Variants in CNGB3 observed in about 807,000 individuals in gnomAD.
CNGB3 encodes cyclic nucleotide-gated channel beta-3.
A neutral mutation model predicts 92.8 loss-of-function variants in CNGB3; 86 were observed. The ratio of observed to expected loss-of-function variants is 0.93; its 90% CI spans 0.78 to 1.11. The LOEUF (loss-of-function observed/expected upper bound fraction) is 1.11. Ranked by LOEUF, CNGB3 falls within the 50% of genes least tolerant of loss-of-function variation. CNGB3 has a pLI of 0.00. For synonymous variants in CNGB3, 333 were observed against 332.7 expected (o/e 1.00, Z -0.01); for missense variants, 1,026 against 956.8 (o/e 1.07, Z -0.95).
intron 13 of CNGB3, among the ~76,000 whole-genome samples, chr8:86,611,915 G>A (rs1822530085): frequency 6.6e-6 from 1 of 152,002 alleles, no homozygotes; most frequent in African/African-American, 2.4e-5. Flanking sequence ...ACTACATATT[G>A]CTACGTAACC....
In CNGB3 at chr8:86,628,584, G is replaced by A. The variant is rs113703129; in HGVS notation, c.1480+335C>T. ...GTCTTCGCCCAAATTTCTCAGTTAG[G>A]AGCCTCCATTTTCTACCCTTCAAAG... is the stretch of plus-strand genomic sequence containing the variant. On this transcript the variant is annotated intron_variant, in intron 12 of 17. Transcript: ENST00000320005. 7.6e-4 allele frequency among the ~76,000 whole-genome samples: 115 copies of A among 152,182 alleles called. 1 individual carries two copies. The South Asian group carries it at 0.012, about 15-fold the overall frequency.
intron 14 of CNGB3, among the ~76,000 whole-genome samples, chr8:86,605,728 T>C (rs1400988697): frequency 6.6e-6 from 1 of 152,218 alleles, no homozygotes; most frequent in Non-Finnish European, 1.5e-5. Context: ...GCTTGACATA[T>C]AGGAAACACT....
At chr8:86,593,681 C>A (rs7000591) in intron 15 of CNGB3, 472,890 of 656,328 alleles carry the variant, frequency 0.72, 175,807 homozygotes, top group Non-Finnish European at 0.78. Context: ...TGCCCACAGC[C>A]AGACCTCACT....
Position 86,633,455 on chromosome 8 carries a change from A to G in CNGB3, c.1179-562T>C, listed in dbSNP as rs111689854. Reference sequence around the variant, plus strand: ...GTATCTTTTTTCATTCAGCCTCTCAATGTGACTAGCTTGGGCTTCCTCATA... The same window carrying G: ...GTATCTTTTTTCATTCAGCCTCTCAGTGTGACTAGCTTGGGCTTCCTCATA... On this transcript the variant is annotated intron_variant, in intron 10 of 17. Transcript: ENST00000320005. Among the ~76,000 whole-genome samples, 120 of 152,308 alleles carry G rather than the reference A, an allele frequency of 7.9e-4. 1 individual carries two copies. The South Asian group carries it at 0.012, about 15-fold the overall frequency.
intron 2 of CNGB3, among the ~76,000 whole-genome samples, chr8:86,738,077 A>T (rs1202429815): frequency 6.6e-6 from 1 of 152,246 alleles, no homozygotes; most frequent in Non-Finnish European, 1.5e-5. Context: ...AGTCATTAAC[A>T]ATTATCATAC....
At chr8:86,696,180 A>G (rs1824446580) in intron 3 of CNGB3, among the ~76,000 whole-genome samples, 1 of 152,206 alleles carries the variant, frequency 6.6e-6, no homozygotes, top group African/African-American at 2.4e-5. Context: ...CTGATTAGCC[A>G]GGGCGTTGCA....
intron 6 of CNGB3, among the ~76,000 whole-genome samples, chr8:86,665,866 T>C (rs1237097549): frequency 6.6e-6 from 1 of 152,070 alleles, no homozygotes; most frequent in East Asian, 1.9e-4. Context: ...GTAACAAACC[T>C]GTATGTGTAT....
chr8:86,659,846 C>T, intron 6 of CNGB3: 2 of 418,784 alleles, frequency 4.8e-6, no homozygotes, highest in Non-Finnish European at 4.7e-6. Context: ...TTTGTTGTTT[C>T]TCCAGATCCT....
At chr8:86,711,207 T>TTCTCTTTTCTACCTCCTGTC (rs1366436471) in intron 3 of CNGB3, among the ~76,000 whole-genome samples, 59 of 152,252 alleles carry the variant, frequency 3.9e-4, no homozygotes, top group African/African-American at 1.4e-3. Context: ...TCACCTCTGT[T>TTCTCTTTTCTACCTCCTGTC]TCTCTTTTCT....
intron 15 of CNGB3, among the ~76,000 whole-genome samples, chr8:86,594,965 C>T (rs990711191): frequency 5.9e-5 from 9 of 152,082 alleles, no homozygotes; most frequent in East Asian, 1.9e-4. Flanking sequence ...CTCATGATCC[C>T]GCCACCTGAG....
At chr8:86,694,168 CG>C (rs1563757199) in intron 3 of CNGB3, among the ~76,000 whole-genome samples, 2 of 111,502 alleles carry the variant, frequency 1.8e-5, no homozygotes, top group Non-Finnish European at 3.8e-5. Context: ...GCTGGCCGGG[CG>C]GGGGGCTGAC....
intron 2 of CNGB3, among the ~76,000 whole-genome samples, chr8:86,729,035 C>T (rs1038194745): frequency 2.6e-5 from 4 of 152,058 alleles, no homozygotes; most frequent in South Asian, 4.1e-4. Flanking sequence ...CTCAGCCTCA[C>T]GGATCGCTGG....
chr8:86,597,587 G>GCAT (rs1822200563), intron 15 of CNGB3, among the ~76,000 whole-genome samples: 1 of 152,156 alleles, frequency 6.6e-6, no homozygotes. Flanking sequence ...GGTGGGGAAA[G>GCAT]CATCCAGGCG....
intron 10 of CNGB3, among the ~76,000 whole-genome samples, chr8:86,637,895 G>A (rs374621649): frequency 7.2e-5 from 11 of 152,154 alleles, no homozygotes; most frequent in African/African-American, 1.4e-4. Flanking sequence ...ACTCAAATGC[G>A]CCAGAGGCAA....
At position 86,743,617 on chromosome 8, in the gene CNGB3, G is replaced by T. The variant is rs376711003; in HGVS notation, c.11C>A (p.Ser4Ter). MFK[S>*]LTKVNKVKPI... ...CTTCACCTTGTTGACTTTTGTCAGCGATTTAAACATCTTCTCTGAGGTGGT... is the reference window on the plus strand; with the variant it reads ...CTTCACCTTGTTGACTTTTGTCAGCTATTTAAACATCTTCTCTGAGGTGGT... The change falls in exon 1 of 18, where the codon TCG becomes TAG. Residue 4 changes from serine to a stop codon, truncating the protein, a stop_gained. Transcript: ENST00000320005. LOFTEE classifies it high-confidence loss of function. 1 of 1,613,902 alleles carries T rather than the reference G, an allele frequency of 6.2e-7. No homozygotes were observed. Among genetic ancestry groups the T allele is most frequent in the Non-Finnish European group, 8.5e-7 (1 of 1,179,838 alleles).
chr8:86,733,375 G>C (rs1044946798), intron 2 of CNGB3, among the ~76,000 whole-genome samples: 9 of 152,104 alleles, frequency 5.9e-5, no homozygotes, highest in Non-Finnish European at 1.0e-4. Context: ...TCATGTCTTT[G>C]CTATTGTGAA....
intron 3 of CNGB3, among the ~76,000 whole-genome samples, chr8:86,707,385 G>A (rs1192115916): frequency 2.0e-5 from 3 of 152,136 alleles, no homozygotes; most frequent in Non-Finnish European, 4.4e-5. Flanking sequence ...GAAAGGTATT[G>A]GTATTTTCTA....
intron 1 of CNGB3, among the ~76,000 whole-genome samples, chr8:86,741,768 G>C (rs115912631): frequency 1.5e-3 from 232 of 152,248 alleles, no homozygotes; most frequent in African/African-American, 5.5e-3. Flanking sequence ...CCTAAGGGGT[G>C]CTCTACCTGT....
chr8:86,589,987 G>A (rs1294331762), intron 15 of CNGB3, among the ~76,000 whole-genome samples: 10 of 146,232 alleles, frequency 6.8e-5, no homozygotes, highest in Non-Finnish European at 1.1e-4. Context: ...TCTCTTTGTA[G>A]GTCACTCAGG....
Sources: allele counts gnomAD v4.1 joint callset (sites outside exome capture counted in the v4.1 genomes callset), GRCh38; gene constraint gnomAD v4.1.1; transcripts MANE v1.5; gene names NCBI Gene and HGNC (gene_info 2026-07-23, HGNC 2026-07-21).